The following RUFY4 variants were observed in gnomAD, a reference collection of about 807,000 sequenced individuals.
RUFY4 encodes RUN and FYVE domain containing 4.
In RUFY4, 73 loss-of-function variants were observed where a neutral mutation model predicts 69.0. That is an observed-to-expected ratio of 1.06 (90% confidence interval 0.88 to 1.29). The LOEUF is 1.29. Ranked by LOEUF, RUFY4 falls within the 50% of genes most tolerant of loss-of-function variation. RUFY4 has a pLI of 0.00. For synonymous variants in RUFY4, 287 were observed against 271.8 expected, an observed-to-expected ratio of 1.06 and a Z score of -0.55; for missense variants, 770 against 705.6, an observed-to-expected ratio of 1.09 and a Z score of -1.03.
intron 10 of RUFY4, chr2:218,089,616 A>T: frequency 1.4e-6 from 1 of 690,376 alleles, no homozygotes; most frequent in Non-Finnish European, 2.6e-6. Flanking sequence ...CGATTGAGAA[A>T]TGGGCCTCTC....
At chr2:218,072,913 G>T (rs1284685565) in intron 4 of RUFY4, 28 bp downstream of exon 6, 1 of 1,478,044 alleles carries the variant, frequency 6.8e-7, no homozygotes. Flanking sequence ...TCCTCCTGCC[G>T]ATGCCATCTG....
Position 218,062,338 on chromosome 2 carries a change from G to A in RUFY4, c.-1071+3657G>A, listed in dbSNP as rs879873739. ...GGAGAATGGCGTGAACCCAGGAGGC[G>A]GAGCTTGTAGTGAGCCGAGATTGCA... On this transcript the variant is annotated intron_variant and NMD_transcript_variant, in intron 3 of 13. Transcript: ENST00000457754. Among the ~76,000 whole-genome samples the A allele has an allele frequency of 3.1e-4, 47 of 151,474 alleles. No homozygotes were observed. In the East Asian group the frequency reaches 6.2e-3, roughly 20 times the overall value.
chr2:218,045,743 CCTT>C (rs1379237025), intron 2 of RUFY4, among the ~76,000 whole-genome samples: 3 of 151,828 alleles, frequency 2.0e-5, no homozygotes, highest in Non-Finnish European at 2.9e-5. Flanking sequence ...TCTTTTTTCT[CCTT>C]CTTTTTTAAA....
At chr2:218,038,669 C>T (rs1449432855) in intron 2 of RUFY4, among the ~76,000 whole-genome samples, 1 of 152,144 alleles carries the variant, frequency 6.6e-6, no homozygotes, top group Non-Finnish European at 1.5e-5. Context: ...GGCTTAAAAA[C>T]ATAGCGGGTG....
At chr2:218,037,804 A>G (rs1195118372) in intron 2 of RUFY4, among the ~76,000 whole-genome samples, 1 of 152,220 alleles carries the variant, frequency 6.6e-6, no homozygotes, top group East Asian at 1.9e-4. Context: ...ATATTACCAT[A>G]CCAACAAGAA....
At chr2:218,068,398 G>A (rs1479754924), upstream of RUFY4, among the ~76,000 whole-genome samples, 3 of 152,066 alleles carry the variant, frequency 2.0e-5, no homozygotes, top group East Asian at 5.8e-4. Context: ...GAAGGAATGA[G>A]GGAAAGACAG....
At chr2:218,052,629 T>C (rs947679664) in intron 2 of RUFY4, among the ~76,000 whole-genome samples, 1 of 152,224 alleles carries the variant, frequency 6.6e-6, no homozygotes, top group South Asian at 2.1e-4. Flanking sequence ...GACACAGTAT[T>C]GAGCACCTGT....
chr2:218,035,786 C>T (rs1958967276), intron 2 of RUFY4, among the ~76,000 whole-genome samples: 1 of 152,234 alleles, frequency 6.6e-6, no homozygotes, highest in African/African-American at 2.4e-5. Context: ...TCCCCCCACA[C>T]ACGCAGCATC....
At chr2:218,072,815 C>A (rs964068397) in exon 4 of RUFY4, 20 of 1,535,756 alleles carry the variant, frequency 1.3e-5, no homozygotes, top group Non-Finnish European at 1.7e-5. Flanking sequence ...TGCCTTCATC[C>A]GCTTCTGCCT....
chr2:218,077,824 C>T (rs1236572230), intron 8 of RUFY4, among the ~76,000 whole-genome samples: 4 of 152,254 alleles, frequency 2.6e-5, no homozygotes, highest in African/African-American at 7.2e-5. Flanking sequence ...GCTGAGCACA[C>T]AGTGTGGTCG....
intron 3 of RUFY4, chr2:218,060,770 G>A (rs1196665038): frequency 4.5e-6 from 7 of 1,565,190 alleles, no homozygotes; most frequent in Non-Finnish European, 6.2e-6. Context: ...TGAAGCCAAA[G>A]GACTGGGGCA....
At chr2:218,039,660 G>A (rs922939315) in intron 2 of RUFY4, among the ~76,000 whole-genome samples, 2 of 152,138 alleles carry the variant, frequency 1.3e-5, no homozygotes, top group East Asian at 1.9e-4. Context: ...CAGAGAAGCC[G>A]TTCTCCATTA....
At chr2:218,086,421 C>T (rs929963109) in intron 9 of RUFY4, among the ~76,000 whole-genome samples, 1 of 152,116 alleles carries the variant, frequency 6.6e-6, no homozygotes, top group Non-Finnish European at 1.5e-5. Flanking sequence ...TTCACTAAGA[C>T]AGATAAGGAG....
intron 8 of RUFY4, among the ~76,000 whole-genome samples, chr2:218,080,740 G>T (rs1018258397): frequency 3.2e-4 from 48 of 152,168 alleles, no homozygotes; most frequent in African/African-American, 8.9e-4. Flanking sequence ...GTCCTGCCAG[G>T]CTCCATCAGC....
chr2:218,044,521 T>A (rs1688781456), intron 2 of RUFY4, among the ~76,000 whole-genome samples: 1 of 152,160 alleles, frequency 6.6e-6, no homozygotes, highest in African/African-American at 2.4e-5. Flanking sequence ...GTTGTACAGA[T>A]TATTTTGTCA....
At chr2:218,058,839 C>T (rs1231004659) in intron 3 of RUFY4, among the ~76,000 whole-genome samples, 1 of 152,120 alleles carries the variant, frequency 6.6e-6, no homozygotes, top group Non-Finnish European at 1.5e-5. Context: ...ACTTACTCAA[C>T]CCTTTGCACC....
rs937880041 is a variant in RUFY4 at position 218,075,168 on chromosome 2, G to A, written c.676G>A (p.Asp226Asn). Residue 226 changes from aspartate to asparagine, a missense_variant, in exon 7 of 11, where the codon GAT becomes AAT. By Grantham distance (23) the Asp-to-Asn change is conservative (BLOSUM62 1). Coordinates refer to ENST00000344321, the Ensembl canonical transcript of RUFY4. Reference sequence around the variant, plus strand: ...CACCAGTCAAGCCATCTGTCTGCAAGATGCACCCAGTGGACAGCAGCTGGC... The same window carrying A: ...CACCAGTCAAGCCATCTGTCTGCAAAATGCACCCAGTGGACAGCAGCTGGC... 6.4e-7 allele frequency: 1 copy of A among 1,556,708 alleles called. No homozygotes were observed. Among genetic ancestry groups the A allele is most frequent in the Admixed American group, 1.9e-5 (1 of 51,456 alleles).
chr2:218,036,112 G>C (rs1331244674), intron 2 of RUFY4, among the ~76,000 whole-genome samples: 7 of 152,210 alleles, frequency 4.6e-5, no homozygotes, highest in Admixed American at 4.6e-4. Flanking sequence ...TGTGCCCCAG[G>C]TTCCCCTCTA....
chr2:218,083,267 G>A lies in RUFY4; in HGVS notation c.1502+11G>A, dbSNP rs1689809940. On this transcript the variant is annotated intron_variant, in intron 9 of 10. Coordinates refer to ENST00000344321, the Ensembl canonical transcript of RUFY4. ...GTTGGAACTGATCCAGTAAGGACGG[G>A]GACAGTGGGAAAGGGGAAACAGATG... 1.3e-6 allele frequency: 2 copies of A among 1,576,050 alleles called. No homozygotes were observed. Among genetic ancestry groups the A allele is most frequent in the Non-Finnish European group, 1.7e-6 (2 of 1,156,752 alleles).
Sources: allele counts gnomAD v4.1 joint callset (sites outside exome capture counted in the v4.1 genomes callset), GRCh38; gene constraint gnomAD v4.1.1; transcripts MANE v1.5; gene names NCBI Gene and HGNC (gene_info 2026-07-23, HGNC 2026-07-21).